ITIH5: variants seen among roughly 807,000 people sequenced by gnomAD.
The protein encoded by ITIH5 is inter-alpha-trypsin inhibitor heavy chain 5, also known as inter-alpha-trypsin inhibitor heavy chain H5.
A neutral mutation model predicts 77.5 loss-of-function variants in ITIH5; 65 were observed. The ratio of observed to expected loss-of-function variants is 0.84; its 90% CI spans 0.69 to 1.03. ITIH5 has a LOEUF of 1.03. Among genes scored for constraint, ITIH5 ranks in the 50% least tolerant of loss-of-function variants. ITIH5 has a pLI of 0.00. For synonymous variants in ITIH5, 525 were observed against 494.3 expected (o/e 1.06, Z -0.82); for missense variants, 1,208 against 1,213.1 (o/e 1.00, Z 0.06).
rs869139058 is a variant in ITIH5, at chr10:7,627,827, C to CTTTTTTTTTT, written c.652+9391_652+9400dup. On this transcript the variant is annotated intron_variant, in intron 5 of 13. Coordinates refer to ENST00000397146, the MANE Select transcript of ITIH5 (RefSeq NM_030569.7). ...GAATCTCACAGAACATGAAATTAAC[C>CTTTTTTTTTT]TTTTTTTTTTTTTTTTTTTTTTTTT... Among the ~76,000 whole-genome samples, 6 of 90,838 alleles carry CTTTTTTTTTT rather than the reference C, an allele frequency of 6.6e-5. 1 individual carries two copies. In the East Asian group the frequency reaches 1.8e-3, roughly 28 times the overall value. 59.6% of individuals were successfully genotyped at this position (90,838 alleles called of 152,430 possible).
In ITIH5 at chr10:7,655,674, T is replaced by C; in HGVS notation, c.92A>G (p.Asp31Gly). Residue 31 changes from aspartate (D) to glycine (G), a missense_variant and splice_region_variant, in exon 2 of 14, where the codon GAT (aspartate) becomes GGT (glycine). Physicochemically the swap from Asp to Gly is moderately conservative, Grantham distance 94. Transcript: ENST00000397146. Reference protein sequence around the residue: ...AQSWGHSSEQDGLRVPRQVRL... With the variant: ...AQSWGHSSEQGGLRVPRQVRL... ...GACTTGCCTCGGGACCCTGAGTCCATCCTAGAAAAGAGAAGAGACTGTTAA... is the reference window on the plus strand; with the variant it reads ...GACTTGCCTCGGGACCCTGAGTCCACCCTAGAAAAGAGAAGAGACTGTTAA... 2 of 1,610,974 alleles carry C rather than the reference T, an allele frequency of 1.2e-6. No homozygotes were observed. Among genetic ancestry groups the C allele is most frequent in the Non-Finnish European group, 1.7e-6 (2 of 1,177,304 alleles).
chr10:7,595,652 TTAAG>T lies in ITIH5; in HGVS notation c.940-9587_940-9584del, dbSNP rs530564687. On this transcript the variant is annotated intron_variant, in intron 7 of 13. Coordinates refer to ENST00000397146, the MANE Select transcript of ITIH5 (RefSeq NM_030569.7). ...TTCCAGCTCCATCTTAGATTTACTATTAAGTAAGTCCTTTAATTTCTTTCTATTT... is the reference window on the plus strand; with the variant it reads ...TTCCAGCTCCATCTTAGATTTACTATTAAGTCCTTTAATTTCTTTCTATTT... 1.8e-4 allele frequency among the ~76,000 whole-genome samples: 27 copies of T among 152,352 alleles called. No homozygotes were observed. The South Asian group carries it at 5.6e-3, about 32-fold the overall frequency.
At chr10:7,626,870 C>T (rs187286315) in intron 5 of ITIH5, among the ~76,000 whole-genome samples, 31 of 152,258 alleles carry the variant, frequency 2.0e-4, no homozygotes, top group African/African-American at 7.5e-4. Flanking sequence ...TTACTTTTGT[C>T]TCTTAATCCC....
At position 7,559,552 on chromosome 10, in the gene ITIH5, A is replaced by G. The variant is rs189865411; in HGVS notation, c.*3531T>C. The G allele has an allele frequency of 2.1e-3, 430 of 200,406 alleles. 1 individual carries two copies. The highest frequency in any genetic ancestry group is 0.01 in the Middle Eastern group (5 of 496). 12.4% of individuals were successfully genotyped at this position (200,406 alleles called of 1,614,324 possible). ...AGTTCCAAGAGTCCTTTAAATTTTA[A>G]TAACAGCATTGTTTGTGTACATTCT... On this transcript the variant is annotated 3_prime_UTR_variant, in exon 14 of 14. Transcript: ENST00000397146.
At chr10:7,604,941 C>A (rs1833092909) in intron 7 of ITIH5, among the ~76,000 whole-genome samples, 1 of 152,128 alleles carries the variant, frequency 6.6e-6, no homozygotes, top group African/African-American at 2.4e-5. Flanking sequence ...CCTGCCTCAG[C>A]CTCCTGAGTA....
intron 2 of ITIH5, among the ~76,000 whole-genome samples, chr10:7,651,668 TC>T (rs928992385): frequency 6.6e-5 from 10 of 151,854 alleles, no homozygotes; most frequent in African/African-American, 2.4e-4. Context: ...AAGCCAATAC[TC>T]CCCCTACCCT....
intron 7 of ITIH5, among the ~76,000 whole-genome samples, chr10:7,587,131 G>A (rs1234467347): frequency 6.6e-6 from 1 of 152,138 alleles, no homozygotes; most frequent in African/African-American, 2.4e-5. Flanking sequence ...CACCCGGCTT[G>A]GAAGGGCATT....
At chr10:7,616,127 G>T in intron 6 of ITIH5, 29 bp from the exon 7 acceptor site, 1 of 1,336,134 alleles carries the variant, frequency 7.5e-7, no homozygotes, top group Non-Finnish European at 1.1e-6. Context: ...AGTAAAAACG[G>T]TAGTACCTAG....
chr10:7,581,957 C>G lies in ITIH5; in HGVS notation c.1109-1893G>C, dbSNP rs982083814. 5.3e-5 allele frequency among the ~76,000 whole-genome samples: 8 copies of G among 149,592 alleles called. No homozygotes were observed. In the East Asian group the frequency reaches 1.4e-3, roughly 26 times the overall value. The stretch of plus-strand genomic sequence containing the variant: ...GTGGCGTGATCTTGGCTCACTGCAA[C>G]CTCTGCCTCCTGTGTTCAAGCAATT... On this transcript the variant is annotated intron_variant, in intron 8 of 13. Transcript: ENST00000397146.
intron 7 of ITIH5, among the ~76,000 whole-genome samples, chr10:7,590,504 G>A (rs1051556888): frequency 1.3e-5 from 2 of 152,208 alleles, no homozygotes; most frequent in African/African-American, 2.4e-5. Flanking sequence ...GCGTGTGCAC[G>A]TGTGATTTTA....
At chr10:7,628,665 A>ACATGCATCCATGTTGTAG (rs1564268668) in intron 5 of ITIH5, among the ~76,000 whole-genome samples, 7 of 100,742 alleles carry the variant, frequency 6.9e-5, no homozygotes, top group East Asian at 2.5e-4. Flanking sequence ...CTGGGTTGTC[A>ACATGCATCCATGTTGTAG]CATGTGTCCA....
At chr10:7,571,867 C>T (rs898752679) in intron 11 of ITIH5, 1 of 608,398 alleles carries the variant, frequency 1.6e-6, no homozygotes, top group Non-Finnish European at 2.1e-6. Flanking sequence ...TCCTTTTTCA[C>T]GTATTTTTGA....
chr10:7,642,163 T>A, intron 2 of ITIH5, 73 bp from the exon 3 acceptor site: 1 of 1,203,996 alleles, frequency 8.3e-7, no homozygotes, highest in Non-Finnish European at 1.2e-6. Flanking sequence ...ACATCTTTTT[T>A]TTTTTCCACA....
chr10:7,663,629 G>T (rs1454155513), intron 1 of ITIH5, among the ~76,000 whole-genome samples: 2 of 152,018 alleles, frequency 1.3e-5, no homozygotes, highest in Non-Finnish European at 2.9e-5. Context: ...CTTCAAGAGG[G>T]TCCTGCAAAT....
At chr10:7,649,514 A>G (rs1588427909) in intron 2 of ITIH5, among the ~76,000 whole-genome samples, 1 of 117,472 alleles carries the variant, frequency 8.5e-6, no homozygotes, top group South Asian at 3.2e-4. Context: ...GGATAGATAG[A>G]TAGATGGATA....
chr10:7,566,378 C>A lies in ITIH5; in HGVS notation c.2179G>T (p.Ala727Ser). Residue 727 changes from alanine to serine, a missense_variant, in exon 13 of 14, where the codon GCA becomes TCA. Physicochemically the swap from Ala to Ser is moderately conservative, Grantham distance 99 (BLOSUM62 1). Transcript: ENST00000397146. ...TTGTGGCCATTTGGAGGGGCGGGTG[C>A]CCCAATTAACTCTCCGTTCACTGTG... ...GVTVNGELIGAPAPPNGHKKQ... is the reference protein window; with the variant it reads ...GVTVNGELIGSPAPPNGHKKQ... The A allele has an allele frequency of 1.2e-6, 2 of 1,601,924 alleles. No individual in the cohort carries two copies. The highest frequency in any genetic ancestry group is 1.7e-6 in the Non-Finnish European group (2 of 1,170,088).
chr10:7,582,425 C>T (rs1459885918), intron 8 of ITIH5, among the ~76,000 whole-genome samples: 1 of 149,648 alleles, frequency 6.7e-6, no homozygotes, highest in Non-Finnish European at 1.5e-5. Flanking sequence ...AAAGCAGAGA[C>T]CTTACTGTAG....
At chr10:7,570,181 G>T (rs1413124930) in intron 11 of ITIH5, 1 of 156,504 alleles carries the variant, frequency 6.4e-6, no homozygotes, top group Non-Finnish European at 1.4e-5. Flanking sequence ...CTCCTTTAAT[G>T]GCACAGATGC....
At chr10:7,623,467 C>G (rs982668797) in intron 5 of ITIH5, among the ~76,000 whole-genome samples, 1 of 152,108 alleles carries the variant, frequency 6.6e-6, no homozygotes. Context: ...GAAAGAAAAA[C>G]TGGTAACACA....
Sources: allele counts gnomAD v4.1 joint callset (sites outside exome capture counted in the v4.1 genomes callset), GRCh38; gene constraint gnomAD v4.1.1; transcripts MANE v1.5; gene names NCBI Gene and HGNC (gene_info 2026-07-23, HGNC 2026-07-21).